Variants in CGNL1 observed in about 807,000 individuals in gnomAD.
CGNL1 encodes cingulin like 1.
Under a neutral mutation model 141.2 loss-of-function variants are expected in CGNL1, and 132 were observed. The ratio of observed to expected loss-of-function variants is 0.93; its 90% confidence interval spans 0.81 to 1.08. The LOEUF (loss-of-function observed/expected upper bound fraction) is 1.08, where lower values mean the gene tolerates loss of function less well. CGNL1 is among the 50% of genes least tolerant of loss of function. The pLI is 0.00. For synonymous variants in CGNL1, 690 were observed against 622.1 expected, an observed-to-expected ratio of 1.11 and a Z score of -1.63; for missense variants, 1,870 against 1,588.6, an observed-to-expected ratio of 1.18 and a Z score of -3.01.
chr15:57,475,947 T>G (rs1372176711), intron 8 of CGNL1, among the ~76,000 whole-genome samples: 2 of 152,190 alleles, frequency 1.3e-5, no homozygotes, highest in Non-Finnish European at 2.9e-5. Context: ...TCTTTCTCTT[T>G]GAAATCCCCA....
At chr15:57,384,495 A>T (rs529835904) in intron 1 of CGNL1, among the ~76,000 whole-genome samples, 17 of 152,282 alleles carry the variant, frequency 1.1e-4, no homozygotes, top group African/African-American at 4.1e-4. Flanking sequence ...AGCTATGCTA[A>T]CAACTACCAC....
In CGNL1 at chr15:57,439,940, A is replaced by C. The variant is rs145450831; in HGVS notation, c.1602+339A>C. ...GTTTCTACACAGAGGCTGAATAGTT[A>C]GGTTTGTGTAGGTATATTAATTTTC... On this transcript the variant is annotated intron_variant, in intron 2 of 18. Coordinates refer to ENST00000281282, the MANE Select transcript of CGNL1 (RefSeq NM_032866.5). Among the ~76,000 whole-genome samples the C allele has an allele frequency of 2.5e-3, 382 of 152,290 alleles. 2 individuals are homozygous for C. Among genetic ancestry groups the C allele is most frequent in the African/African-American group, 9.1e-3 (376 of 41,542 alleles).
chr15:57,400,004 T>C (rs1375349465), intron 1 of CGNL1, among the ~76,000 whole-genome samples: 1 of 151,990 alleles, frequency 6.6e-6, no homozygotes, highest in Non-Finnish European at 1.5e-5. Context: ...ATACCTTTTT[T>C]TTTTTTTTTA....
At chr15:57,535,150 A>G (rs2414512) in intron 14 of CGNL1, among the ~76,000 whole-genome samples, 49,083 of 152,038 alleles carry the variant, frequency 0.32, 8,329 homozygotes, top group East Asian at 0.58. Flanking sequence ...ACAGTCATGC[A>G]GGCAATTGAC....
intron 1 of CGNL1, among the ~76,000 whole-genome samples, chr15:57,391,693 C>T (rs552034116): frequency 1.3e-5 from 2 of 152,284 alleles, no homozygotes; most frequent in South Asian, 4.1e-4. Context: ...CTCATGTAAA[C>T]AAGAAGTCCA....
At chr15:57,391,981 C>T (rs572503749) in intron 1 of CGNL1, among the ~76,000 whole-genome samples, 5 of 151,200 alleles carry the variant, frequency 3.3e-5, no homozygotes, top group African/African-American at 4.9e-5. Flanking sequence ...TTTCCCCCCC[C>T]TCACCTGACA....
intron 7 of CGNL1, among the ~76,000 whole-genome samples, chr15:57,460,581 T>A (rs1412898511): frequency 6.6e-6 from 1 of 152,112 alleles, no homozygotes; most frequent in African/African-American, 2.4e-5. Flanking sequence ...TCAGGAAACT[T>A]CATGGCAGAA....
In CGNL1 at chr15:57,528,788, C is replaced by T; in HGVS notation, c.3174C>T (p.Asp1058=). 6.2e-7 allele frequency: 1 copy of T among 1,614,020 alleles called. No individual in the cohort carries two copies. Among genetic ancestry groups the T allele is most frequent in the Non-Finnish European group, 8.5e-7 (1 of 1,180,018 alleles). ...ELEAKSHLKD[D]RSRLVKQMED... The stretch of plus-strand genomic sequence containing the variant: ...AAGCCAAGAGTCACCTCAAAGATGA[C>T]CGCAGCAGGCTGGTCAAGCAGATGG... Residue 1058 remains aspartate, a synonymous_variant, in exon 13 of 19, where the codon GAC becomes GAT. Transcript: ENST00000281282.
intron 8 of CGNL1, among the ~76,000 whole-genome samples, chr15:57,489,009 C>T (rs537797941): frequency 5.9e-5 from 9 of 152,208 alleles, no homozygotes; most frequent in East Asian, 3.9e-4. Flanking sequence ...CTGTCTAGTC[C>T]GGAATTTTTA....
chr15:57,529,624 TAG>T (rs2031843743), intron 13 of CGNL1, among the ~76,000 whole-genome samples: 1 of 142,830 alleles, frequency 7.0e-6, no homozygotes, highest in Non-Finnish European at 1.5e-5. Flanking sequence ...CAGTAGAATT[TAG>T]AGAGAGGGAG....
At chr15:57,478,935 G>T (rs185667558) in intron 8 of CGNL1, among the ~76,000 whole-genome samples, 11 of 152,280 alleles carry the variant, frequency 7.2e-5, no homozygotes, top group Middle Eastern at 6.8e-3. Flanking sequence ...TACAGCTCCT[G>T]GCCCAGATTC....
intron 14 of CGNL1, among the ~76,000 whole-genome samples, chr15:57,533,227 C>A (rs1334116383): frequency 6.6e-6 from 1 of 152,126 alleles, no homozygotes; most frequent in Non-Finnish European, 1.5e-5. Flanking sequence ...TGCGTGTTCC[C>A]AGGCTATGAT....
intron 16 of CGNL1, 42 bp downstream of exon 16, chr15:57,544,639 G>C (rs755004924): frequency 8.4e-6 from 13 of 1,551,788 alleles, no homozygotes; most frequent in Non-Finnish European, 1.1e-5. Flanking sequence ...GCCCCAGTGG[G>C]CAGTGACAGT....
chr15:57,408,647 C>T (rs1595672167), intron 1 of CGNL1, among the ~76,000 whole-genome samples: 1 of 152,240 alleles, frequency 6.6e-6, no homozygotes, highest in African/African-American at 2.4e-5. Flanking sequence ...GCTGGGACTA[C>T]AGGCACACAG....
chr15:57,523,764 A>T (rs2031429564), intron 11 of CGNL1, 123 bp downstream of exon 11: 1 of 1,011,346 alleles, frequency 9.9e-7, no homozygotes, highest in South Asian at 1.7e-5. Context: ...AGTGTCAGGG[A>T]TTTGCAGATC....
At chr15:57,411,447 C>CT (rs112940511) in intron 1 of CGNL1, among the ~76,000 whole-genome samples, 7,765 of 142,108 alleles carry the variant, frequency 0.055, 264 homozygotes, top group African/African-American at 0.095. Flanking sequence ...TTTTCTTTTT[C>CT]TTTTTTTTTT....
At chr15:57,491,211 C>T (rs1471574042) in intron 8 of CGNL1, among the ~76,000 whole-genome samples, 4 of 152,088 alleles carry the variant, frequency 2.6e-5, no homozygotes, top group African/African-American at 9.7e-5. Flanking sequence ...CAGGGGAAGC[C>T]GAGTGTGGGA....
chr15:57,543,100 A>G (rs1418730512), intron 14 of CGNL1, among the ~76,000 whole-genome samples: 1 of 152,210 alleles, frequency 6.6e-6, no homozygotes, highest in Non-Finnish European at 1.5e-5. Context: ...GAGTGTTACC[A>G]GGGCCATGCT....
At chr15:57,473,981 C>G (rs1476721592) in intron 8 of CGNL1, among the ~76,000 whole-genome samples, 1 of 137,456 alleles carries the variant, frequency 7.3e-6, no homozygotes, top group Non-Finnish European at 1.5e-5. Flanking sequence ...GTGATCTTGG[C>G]TCAGTTGCAA....
Sources: allele counts gnomAD v4.1 joint callset (sites outside exome capture counted in the v4.1 genomes callset), GRCh38; gene constraint gnomAD v4.1.1; transcripts MANE v1.5; gene names NCBI Gene and HGNC (gene_info 2026-07-23, HGNC 2026-07-21).